Variants in ATP11C observed in about 807,000 individuals in gnomAD.
The protein encoded by ATP11C is ATPase phospholipid transporting 11C (ATP11C blood group).
In ATP11C, 36 loss-of-function variants were observed where a neutral mutation model predicts 97.4. The observed-to-expected ratio is 0.37, with a 90% CI of 0.28 to 0.49. ATP11C has a LOEUF of 0.49. Ranked by LOEUF, ATP11C falls within the 20% of genes least tolerant of loss-of-function variation. The pLI is 0.98. For synonymous variants in ATP11C, 275 were observed against 290.9 expected (o/e 0.95, Z 0.56); for missense variants, 730 against 824.6 (o/e 0.89, Z 1.40).
At chrX:139,797,910 A>T (rs1378476079) in intron 10 of ATP11C, among the ~76,000 whole-genome samples, 1 of 111,794 alleles carries the variant, frequency 8.9e-6, no homozygotes, top group African/African-American at 3.3e-5. Flanking sequence ...CAACTTGCAT[A>T]TAGCAACTAA....
intron 29 of ATP11C, among the ~76,000 whole-genome samples, chrX:139,730,009 C>A (rs2081309365): frequency 9.0e-6 from 1 of 111,311 alleles, no homozygotes; most frequent in Admixed American, 9.5e-5. Flanking sequence ...GAATGTAACT[C>A]ACATTGAGGA....
At chrX:139,791,885 T>C (rs1355069502) in intron 12 of ATP11C, among the ~76,000 whole-genome samples, 1 of 111,456 alleles carries the variant, frequency 9.0e-6, no homozygotes, top group Non-Finnish European at 1.9e-5. Context: ...TTGCGTGATA[T>C]TGTAAAATAT....
At chrX:139,826,340 T>C (rs1452301868) in intron 2 of ATP11C, among the ~76,000 whole-genome samples, 1 of 110,115 alleles carries the variant, frequency 9.1e-6, no homozygotes, top group Non-Finnish European at 1.9e-5. Context: ...GCAAATTCTT[T>C]TATAAAAGAA....
At position 139,766,591 on chromosome X, in the gene ATP11C, TGTGTGTGTGTGCATATGTGTGC is replaced by T. The variant is rs2082141086; in HGVS notation, c.2391+1647_2391+1668del. ...TGCCTCAAATATGATGGGCGCTGTG[TGTGTGTGTGTGCATATGTGTGC>T]GTGTGTGTGTGCGCGCGCACAGTAT... On this transcript the variant is annotated intron_variant, in intron 20 of 29. Coordinates refer to ENST00000682941, the MANE Select transcript of ATP11C (RefSeq NM_001353812.2). Among the ~76,000 whole-genome samples, 2 of 110,991 alleles carry T rather than the reference TGTGTGTGTGTGCATATGTGTGC, an allele frequency of 1.8e-5. 1 individual carries two copies. Among genetic ancestry groups the T allele is most frequent in the South Asian group, 7.6e-4 (2 of 2,647 alleles).
intron 12 of ATP11C, among the ~76,000 whole-genome samples, chrX:139,790,907 T>C (rs1470099695): frequency 9.0e-6 from 1 of 111,647 alleles, no homozygotes; most frequent in East Asian, 2.8e-4. Flanking sequence ...ATTTTGAGCA[T>C]TTCTATTTTA....
intron 29 of ATP11C, among the ~76,000 whole-genome samples, chrX:139,730,220 C>A (rs770456418): frequency 1.8e-5 from 2 of 111,308 alleles, no homozygotes; most frequent in East Asian, 5.7e-4. Context: ...CTGGAGAGGC[C>A]AAAAGCAACA....
At chrX:139,897,799 G>A (rs2084835150) in intron 1 of ATP11C, among the ~76,000 whole-genome samples, 2 of 110,925 alleles carry the variant, frequency 1.8e-5, no homozygotes, top group Non-Finnish European at 3.8e-5. Flanking sequence ...CAGGCGTGGT[G>A]GCACGTGACT....
At chrX:139,797,828 G>A (rs2082834516) in intron 10 of ATP11C, among the ~76,000 whole-genome samples, 1 of 111,485 alleles carries the variant, frequency 9.0e-6, no homozygotes, top group Non-Finnish European at 1.9e-5. Flanking sequence ...CTATAGCAGT[G>A]GCAACTGGCT....
chrX:139,885,853 A>G (rs1311462807), intron 1 of ATP11C, among the ~76,000 whole-genome samples: 2 of 110,972 alleles, frequency 1.8e-5, no homozygotes, highest in Non-Finnish European at 3.8e-5. Flanking sequence ...AACTTCCTCA[A>G]CCTGGTAAAG....
chrX:139,739,577 G>A (rs1443903534), intron 27 of ATP11C, among the ~76,000 whole-genome samples: 1 of 111,027 alleles, frequency 9.0e-6, no homozygotes, highest in East Asian at 2.8e-4. Flanking sequence ...AATACTTCAG[G>A]CAATAAAATA....
chrX:139,771,045 A>C (rs941943480), intron 19 of ATP11C, among the ~76,000 whole-genome samples: 11 of 111,436 alleles, frequency 9.9e-5, no homozygotes, highest in Non-Finnish European at 1.7e-4. Context: ...CCTTGAGAGT[A>C]ACTAACTGAT....
intron 1 of ATP11C, among the ~76,000 whole-genome samples, chrX:139,907,854 CTT>C (rs1198889060): frequency 2.7e-5 from 3 of 110,503 alleles, no homozygotes; most frequent in African/African-American, 9.9e-5. Flanking sequence ...TTTTGGAGCT[CTT>C]TGTTACATTA....
chrX:139,888,661 T>C (rs1057295491), intron 1 of ATP11C, among the ~76,000 whole-genome samples: 2 of 111,151 alleles, frequency 1.8e-5, no homozygotes, highest in Non-Finnish European at 3.8e-5. Flanking sequence ...TATAGTCACT[T>C]TGAAAAATAG....
At position 139,728,278 on chromosome X, in the gene ATP11C, A is replaced by G. The variant is rs2081282071; in HGVS notation, c.*688T>C. 8.9e-6 allele frequency: 1 copy of G among 111,962 alleles called. No individual in the cohort carries two copies. Among genetic ancestry groups the G allele is most frequent in the Non-Finnish European group, 1.9e-5 (1 of 52,979 alleles). 9.2% of individuals were successfully genotyped at this position (111,962 alleles called of 1,213,427 possible). ...GGTTTAATTCAGAAGAATAAAAAAT[A>G]AACAATTTTTTTCTATTCCCACAAA... is the stretch of plus-strand genomic sequence containing the variant. On this transcript the variant is annotated 3_prime_UTR_variant, in exon 30 of 30. Transcript: ENST00000682941.
rs1282092976 is a variant in ATP11C, at chrX:139,727,205, G to A, written c.*1761C>T. On this transcript the variant is annotated 3_prime_UTR_variant, in exon 30 of 30. Transcript: ENST00000682941. ...GTTCCCATAGATTTTATGTAAAACA[G>A]CAATCATAATACAGCAACAACAACC... The A allele has an allele frequency of 1.8e-5, 2 of 112,079 alleles. No homozygotes were observed. The highest frequency in any genetic ancestry group is 6.5e-5 in the African/African-American group (2 of 30,776). The allele number at this position is 112,079 out of a possible 1,213,427, so 9.2% of individuals were successfully genotyped here.
At chrX:139,777,116 C>CA (rs1414206057) in intron 18 of ATP11C, among the ~76,000 whole-genome samples, 66 of 111,101 alleles carry the variant, frequency 5.9e-4, no homozygotes, top group African/African-American at 2.2e-3. Flanking sequence ...TCTGGCGGTA[C>CA]AAAAAGCTGG....
Position 139,745,747 on chromosome X carries a change from G to A in ATP11C, c.2939C>T (p.Thr980Ile). ...FFFGTYFLFQ[T>I]ASLEENGKVY... ...CTTTCCATTTTCTTCTAGGGATGCA[G>A]TCTGAAAAAGAAAGTAAGTCCCAAA... The change falls in exon 25 of 30, where the codon ACT becomes ATT. Residue 980 changes from threonine to isoleucine, a missense_variant. Physicochemically the swap from Thr to Ile is moderately conservative, Grantham distance 89 (BLOSUM62 -1). Coordinates refer to ENST00000682941, the MANE Select transcript of ATP11C (RefSeq NM_001353812.2). 8.3e-7 allele frequency: 1 copy of A among 1,206,691 alleles called. No individual in the cohort carries two copies. Among genetic ancestry groups the A allele is most frequent in the Non-Finnish European group, 1.1e-6 (1 of 893,194 alleles).
chrX:139,743,967 GTC>G (rs1334388553), intron 25 of ATP11C, among the ~76,000 whole-genome samples: 1 of 112,225 alleles, frequency 8.9e-6, no homozygotes, highest in Non-Finnish European at 1.9e-5. Context: ...GATGATTCAT[GTC>G]TCTAAAGAAT....
intron 26 of ATP11C, 78 bp from the exon 27 acceptor site, chrX:139,741,172 G>GTACACAA: frequency 1.7e-6 from 1 of 596,822 alleles, no homozygotes; most frequent in Non-Finnish European, 2.8e-6. Context: ...CTGATAACTA[G>GTACACAA]TACACAATGA....
Sources: allele counts gnomAD v4.1 joint callset (sites outside exome capture counted in the v4.1 genomes callset), GRCh38; gene constraint gnomAD v4.1.1; transcripts MANE v1.5; gene names NCBI Gene and HGNC (gene_info 2026-07-23, HGNC 2026-07-21).